MAEA: variants seen among roughly 807,000 people sequenced by gnomAD.
MAEA encodes macrophage erythroblast attacher, E3 ubiquitin ligase, also known as E3 ubiquitin-protein transferase MAEA.
MAEA carries 22 observed loss-of-function variants against 46.2 expected under a neutral mutation model. The observed-to-expected ratio is 0.48, with a 90% confidence interval of 0.34 to 0.68. The LOEUF (loss-of-function observed/expected upper bound fraction) is 0.68, where lower values mean the gene tolerates loss of function less well. Among genes scored for constraint, MAEA ranks in the 30% least tolerant of loss-of-function variants. The pLI is 0.01. For missense variants in MAEA, 393 were observed against 558.1 expected, an observed-to-expected ratio of 0.70 and a Z score of 2.98; for synonymous variants, 246 against 222.6, an observed-to-expected ratio of 1.11 and a Z score of -0.94.
chr4:1,322,283 C>A, intron 3 of MAEA, 98 bp from the exon 4 acceptor site: 2 of 1,524,242 alleles, frequency 1.3e-6, no homozygotes, highest in Non-Finnish European at 1.8e-6. Context: ...GAGTGGTGGC[C>A]GGTGCTGGGC....
At chr4:1,325,513 C>T (rs977663025) in intron 4 of MAEA, among the ~76,000 whole-genome samples, 1 of 152,158 alleles carries the variant, frequency 6.6e-6, no homozygotes, top group Admixed American at 6.5e-5. Flanking sequence ...TATTGAAAAG[C>T]AGGTTTGAGG....
At chr4:1,292,399 C>A (rs1487011755) in intron 1 of MAEA, among the ~76,000 whole-genome samples, 1 of 152,120 alleles carries the variant, frequency 6.6e-6, no homozygotes, top group Non-Finnish European at 1.5e-5. Flanking sequence ...CTGGCAGGTA[C>A]TTATTTTTCT....
At chr4:1,298,742 G>T (rs956081251) in intron 1 of MAEA, among the ~76,000 whole-genome samples, 1 of 152,164 alleles carries the variant, frequency 6.6e-6, no homozygotes, top group African/African-American at 2.4e-5. Context: ...CTCTCACAGG[G>T]TCTAGTGGAC....
chr4:1,309,494 C>T, intron 1 of MAEA: 1 of 1,334,856 alleles, frequency 7.5e-7, no homozygotes, highest in East Asian at 2.8e-5. Flanking sequence ...CTGTCTGGGT[C>T]AGCAGCTGCC....
At chr4:1,323,036 T>C (rs13115173) in intron 4 of MAEA, among the ~76,000 whole-genome samples, 51,833 of 140,762 alleles carry the variant, frequency 0.37, 10,745 homozygotes, top group Non-Finnish European at 0.48. Context: ...CTCACTTGCC[T>C]CCGGTGTTCA....
intron 4 of MAEA, 107 bp from the exon 5 acceptor site, chr4:1,327,520 C>G: frequency 2.5e-6 from 2 of 801,888 alleles, no homozygotes; most frequent in Admixed American, 3.5e-5. Flanking sequence ...GAGAGGGGTT[C>G]AGAGCTTTGG....
At chr4:1,292,924 C>T (rs1357290659) in intron 1 of MAEA, among the ~76,000 whole-genome samples, 1 of 144,976 alleles carries the variant, frequency 6.9e-6, no homozygotes, top group East Asian at 2.0e-4. Context: ...GACGGAGTCT[C>T]ACTCTGTTGC....
chr4:1,339,648 G>A lies in MAEA; in HGVS notation c.*479G>A, dbSNP rs188029200. On this transcript the variant is annotated 3_prime_UTR_variant, in exon 9 of 9. Coordinates refer to ENST00000303400, the MANE Select transcript of MAEA (RefSeq NM_001017405.3). ...GCAGTGACCCGCGATGCCGCGCCACGAGGGACACTTATGGCTTCATTCGAG... is the reference window on the plus strand; with the variant it reads ...GCAGTGACCCGCGATGCCGCGCCACAAGGGACACTTATGGCTTCATTCGAG... 142 of 159,362 alleles carry A rather than the reference G, an allele frequency of 8.9e-4. No individual in the cohort carries two copies. In the Middle Eastern group the frequency reaches 9.7e-3, roughly 11 times the overall value. 9.9% of individuals were successfully genotyped at this position (159,362 alleles called of 1,614,324 possible). A position where few individuals can be genotyped will look rare whatever the true frequency, so the allele number is the denominator to read the frequency against.
intron 7 of MAEA, chr4:1,337,329 G>C (rs1712905755): frequency 1.3e-5 from 3 of 235,212 alleles, no homozygotes; most frequent in East Asian, 1.5e-4. Context: ...TGATTACCAA[G>C]AACCTTGCCT....
intron 1 of MAEA, among the ~76,000 whole-genome samples, chr4:1,308,559 T>A (rs1180583805): frequency 6.6e-6 from 1 of 152,248 alleles, no homozygotes; most frequent in African/African-American, 2.4e-5. Flanking sequence ...CGTGTCCCGC[T>A]GCTCCGCTTC....
rs185777608 is a variant in MAEA at position 1,327,424 on chromosome 4, C to A, written c.580-203C>A. On this transcript the variant is annotated intron_variant, in intron 4 of 8. Coordinates refer to ENST00000303400, the MANE Select transcript of MAEA (RefSeq NM_001017405.3). ...CTGCAGGAGCAGGGGGCGGGACTCA[C>A]ATTCAGAACCCAGTGTTCCCTGGAA... 1.7e-3 allele frequency among the ~76,000 whole-genome samples: 265 copies of A among 152,358 alleles called. 3 individuals carry two copies. The highest frequency in any genetic ancestry group is 0.013 in the Admixed American group (204 of 15,310).
At chr4:1,326,133 G>A (rs1352888062) in intron 4 of MAEA, among the ~76,000 whole-genome samples, 1 of 152,224 alleles carries the variant, frequency 6.6e-6, no homozygotes, top group Non-Finnish European at 1.5e-5. Context: ...CAGCAAGGCT[G>A]GCAGGCGGGG....
At chr4:1,333,006 A>G in intron 6 of MAEA, 141 bp downstream of exon 6, 1 of 590,236 alleles carries the variant, frequency 1.7e-6, no homozygotes, top group South Asian at 2.3e-5. Context: ...TGCCAAGACA[A>G]GCTTTTCTTG....
At chr4:1,315,145 T>C (rs1401286288) in intron 2 of MAEA, among the ~76,000 whole-genome samples, 1 of 152,178 alleles carries the variant, frequency 6.6e-6, no homozygotes, top group Admixed American at 6.5e-5. Context: ...GGCTTCAGGG[T>C]ATATTAATAT....
At chr4:1,309,940 A>T (rs998224124) in intron 1 of MAEA, 4 of 1,275,710 alleles carry the variant, frequency 3.1e-6, no homozygotes, top group Non-Finnish European at 4.0e-6. Context: ...ACTTGAATGC[A>T]GCTAAGGGAC....
intron 3 of MAEA, among the ~76,000 whole-genome samples, chr4:1,318,450 C>T (rs1480231109): frequency 6.6e-6 from 1 of 152,170 alleles, no homozygotes; most frequent in Non-Finnish European, 1.5e-5. Flanking sequence ...TTGGAGTAGG[C>T]CTCAGCAGGG....
intron 2 of MAEA, among the ~76,000 whole-genome samples, chr4:1,313,849 C>T (rs1046713185): frequency 1.3e-5 from 2 of 152,018 alleles, no homozygotes; most frequent in Non-Finnish European, 2.9e-5. Flanking sequence ...TTGAGATCAG[C>T]CTGGGCAACA....
At chr4:1,309,327 G>C in intron 1 of MAEA, 1 of 762,398 alleles carries the variant, frequency 1.3e-6, no homozygotes, top group South Asian at 6.2e-5. Context: ...TGCCCTTTAA[G>C]GAGCCTGTGA....
intron 2 of MAEA, among the ~76,000 whole-genome samples, chr4:1,314,780 C>T (rs1422123751): frequency 6.6e-6 from 1 of 152,236 alleles, no homozygotes; most frequent in Admixed American, 6.5e-5. Flanking sequence ...AGCCGGACAG[C>T]TGATTTCTGC....
Sources: allele counts gnomAD v4.1 joint callset (sites outside exome capture counted in the v4.1 genomes callset), GRCh38; gene constraint gnomAD v4.1.1; transcripts MANE v1.5; gene names NCBI Gene and HGNC (gene_info 2026-07-23, HGNC 2026-07-21).